Variants in ARL5B observed in about 807,000 individuals in gnomAD.
The protein encoded by ARL5B is ARF like GTPase 5B, also known as ADP-ribosylation factor-like protein 5B.
In ARL5B, 10 loss-of-function variants were observed where a neutral mutation model predicts 26.9. The ratio of observed to expected loss-of-function variants is 0.37; its 90% confidence interval spans 0.23 to 0.63. The LOEUF is 0.63. Ranked by LOEUF, ARL5B falls within the 30% of genes least tolerant of loss-of-function variation. The probability of loss-of-function intolerance (pLI) is 0.62; values close to 1 mark genes in which losing one functional copy is unlikely to be tolerated. For synonymous variants in ARL5B, 87 were observed against 70.4 expected, an observed-to-expected ratio of 1.24 and a Z score of -1.18; for missense variants, 167 against 213.9, an observed-to-expected ratio of 0.78 and a Z score of 1.37.
chr10:18,660,172 T>TAG (rs1216474641), intron 1 of ARL5B, among the ~76,000 whole-genome samples: 1 of 152,182 alleles, frequency 6.6e-6, no homozygotes, highest in East Asian at 1.9e-4. Context: ...GACTTGGGAA[T>TAG]GAGTTGTCCT....
chr10:18,678,861 A>G lies in ARL5B; in HGVS notation c.*3645A>G, dbSNP rs1217534814. ...TAATTTGGCCGTTTCTCAATTGTCTAGTTGACCTTAGACAATTAGTGTCCA... is the reference window on the plus strand; with the variant it reads ...TAATTTGGCCGTTTCTCAATTGTCTGGTTGACCTTAGACAATTAGTGTCCA... On this transcript the variant is annotated 3_prime_UTR_variant, in exon 6 of 6. Coordinates refer to ENST00000377275, the MANE Select transcript of ARL5B (RefSeq NM_178815.5). 2 of 151,796 alleles carry G rather than the reference A, an allele frequency of 1.3e-5. No homozygotes were observed. The allele number at this position is 151,796 out of a possible 1,614,324, so 9.4% of individuals were successfully genotyped here.
intron 1 of ARL5B, among the ~76,000 whole-genome samples, chr10:18,664,729 C>A (rs934078663): frequency 6.6e-6 from 1 of 152,128 alleles, no homozygotes; most frequent in African/African-American, 2.4e-5. Flanking sequence ...TAAGGCACCA[C>A]GCCTGGCCTA....
intron 2 of ARL5B, 130 bp downstream of exon 2, chr10:18,666,765 T>G: frequency 1.4e-6 from 1 of 705,178 alleles, no homozygotes; most frequent in South Asian, 2.9e-5. Context: ...GTTTTTTTAA[T>G]TTTACCGAAC....
intron 1 of ARL5B, among the ~76,000 whole-genome samples, chr10:18,663,229 A>G (rs2059844910): frequency 6.6e-6 from 1 of 151,978 alleles, no homozygotes; most frequent in African/African-American, 2.4e-5. Flanking sequence ...GCTGGCCTCG[A>G]ACTCCTGACC....
rs566233438 is a variant in ARL5B at position 18,676,458 on chromosome 10, G to A, written c.*1242G>A. ...ATAATCTATCAAAAGTTTATTTATTGGATGGCATTAAAACATTTTTGAGGC... is the reference window on the plus strand; with the variant it reads ...ATAATCTATCAAAAGTTTATTTATTAGATGGCATTAAAACATTTTTGAGGC... On this transcript the variant is annotated 3_prime_UTR_variant, in exon 6 of 6. Coordinates refer to ENST00000377275, the MANE Select transcript of ARL5B (RefSeq NM_178815.5). 2.6e-5 allele frequency: 4 copies of A among 151,944 alleles called. No individual in the cohort carries two copies. Among genetic ancestry groups the A allele is most frequent in the East Asian group, 3.9e-4 (2 of 5,180 alleles). 9.4% of individuals were successfully genotyped at this position (151,944 alleles called of 1,614,324 possible).
In ARL5B at chr10:18,668,328, A is replaced by C. The variant is rs569496845; in HGVS notation, c.108-202A>C. On this transcript the variant is annotated intron_variant, in intron 2 of 5. Coordinates refer to ENST00000377275, the MANE Select transcript of ARL5B (RefSeq NM_178815.5). The stretch of plus-strand genomic sequence containing the variant: ...CTTGCAATTCCTTCCGTTAAAAAAA[A>C]AAACAAACAAGAAACAAGTCTTTCT... 3.8e-3 allele frequency among the ~76,000 whole-genome samples: 584 copies of C among 152,206 alleles called. 8 individuals carry two copies. Among genetic ancestry groups the C allele is most frequent in the Non-Finnish European group, 5.4e-3 (364 of 67,992 alleles).
chr10:18,671,528 A>G (rs544761089), intron 3 of ARL5B, among the ~76,000 whole-genome samples: 28 of 151,906 alleles, frequency 1.8e-4, no homozygotes, highest in Non-Finnish European at 3.7e-4. Context: ...GTCTCAGTTT[A>G]TTTTGCATCT....
At chr10:18,659,963 G>A (rs1210211464) in intron 1 of ARL5B, 7 of 983,550 alleles carry the variant, frequency 7.1e-6, no homozygotes, top group Non-Finnish European at 7.2e-6. Context: ...TACAGCTAAT[G>A]ATGCCAGGAG....
At chr10:18,670,958 ATTC>A (rs1267081395) in intron 3 of ARL5B, among the ~76,000 whole-genome samples, 1 of 152,204 alleles carries the variant, frequency 6.6e-6, no homozygotes, top group Non-Finnish European at 1.5e-5. Flanking sequence ...CATTTTGAAA[ATTC>A]TTCACGTGGA....
Position 18,678,202 on chromosome 10 carries a change from T to C in ARL5B, c.*2986T>C, listed in dbSNP as rs1001467719. ...TCTATTAAAAGCTGAAGATTAAATATGTAATTTTTGCTTTTAGTTTCTTGT... is the reference window on the plus strand; with the variant it reads ...TCTATTAAAAGCTGAAGATTAAATACGTAATTTTTGCTTTTAGTTTCTTGT... On this transcript the variant is annotated 3_prime_UTR_variant, in exon 6 of 6. Transcript: ENST00000377275. 6.6e-6 allele frequency: 1 copy of C among 151,892 alleles called. No homozygotes were observed. Among genetic ancestry groups the C allele is most frequent in the South Asian group, 2.1e-4 (1 of 4,828 alleles). 9.4% of individuals were successfully genotyped at this position (151,892 alleles called of 1,614,324 possible).
chr10:18,663,179 T>C (rs1284171592), intron 1 of ARL5B, among the ~76,000 whole-genome samples: 1 of 152,000 alleles, frequency 6.6e-6, no homozygotes, highest in Non-Finnish European at 1.5e-5. Context: ...TGGCTAATTT[T>C]CGTATTTGTA....
intron 4 of ARL5B, among the ~76,000 whole-genome samples, chr10:18,673,100 T>C (rs2059895188): frequency 6.6e-6 from 1 of 152,106 alleles, no homozygotes; most frequent in Non-Finnish European, 1.5e-5. Flanking sequence ...TCTTGCTCTG[T>C]TGCCCAGGCT....
At chr10:18,665,821 T>C (rs2059859062) in intron 1 of ARL5B, among the ~76,000 whole-genome samples, 1 of 152,216 alleles carries the variant, frequency 6.6e-6, no homozygotes, top group Admixed American at 6.5e-5. Flanking sequence ...GTATCTGGGT[T>C]GTTTTCTGTA....
At chr10:18,669,096 A>G (rs910772494) in intron 3 of ARL5B, among the ~76,000 whole-genome samples, 10 of 152,082 alleles carry the variant, frequency 6.6e-5, no homozygotes, top group Non-Finnish European at 1.2e-4. Flanking sequence ...TTTGTAGGGA[A>G]TTTGGGTTTC....
At position 18,677,451 on chromosome 10, in the gene ARL5B, A is replaced by G. The variant is rs993238366; in HGVS notation, c.*2235A>G. On this transcript the variant is annotated 3_prime_UTR_variant, in exon 6 of 6. Coordinates refer to ENST00000377275, the MANE Select transcript of ARL5B (RefSeq NM_178815.5). Reference sequence around the variant, plus strand: ...GATTTATGTTAGCCATGTGTTGAAGATGAAATTGGCATCAGTGTAGACGGT... The same window carrying G: ...GATTTATGTTAGCCATGTGTTGAAGGTGAAATTGGCATCAGTGTAGACGGT... 6.6e-6 allele frequency: 1 copy of G among 152,296 alleles called. No individual in the cohort carries two copies. The highest frequency in any genetic ancestry group is 2.4e-5 in the African/African-American group (1 of 41,414). 9.4% of individuals were successfully genotyped at this position (152,296 alleles called of 1,614,324 possible).
rs1377407721 is a variant in ARL5B at position 18,680,153 on chromosome 10, C to T, written c.*4937C>T. The T allele has an allele frequency of 6.6e-6, 1 of 151,920 alleles. No individual in the cohort carries two copies. Among genetic ancestry groups the T allele is most frequent in the Non-Finnish European group, 1.5e-5 (1 of 67,874 alleles). 9.4% of individuals were successfully genotyped at this position (151,920 alleles called of 1,614,324 possible). A position where few individuals can be genotyped will look rare whatever the true frequency, so the allele number is the denominator to read the frequency against. ...TTGTAAAATTTTAATTAAAAAATTA[C>T]CTCATTTTTCAATCCATAAGGTGCT... On this transcript the variant is annotated 3_prime_UTR_variant, in exon 6 of 6. Coordinates refer to ENST00000377275, the MANE Select transcript of ARL5B (RefSeq NM_178815.5).
Position 18,676,291 on chromosome 10 carries a change from G to T in ARL5B, c.*1075G>T, listed in dbSNP as rs1379295067. On this transcript the variant is annotated 3_prime_UTR_variant, in exon 6 of 6. Coordinates refer to ENST00000377275, the MANE Select transcript of ARL5B (RefSeq NM_178815.5). ...ATTTATTTGACGGTATTATGTAATA[G>T]ACTTGAAACAATTGCCATCTTTGTA... 6.6e-6 allele frequency: 1 copy of T among 152,346 alleles called. No individual in the cohort carries two copies. Among genetic ancestry groups the T allele is most frequent in the Non-Finnish European group, 1.5e-5 (1 of 67,898 alleles). The allele number at this position is 152,346 out of a possible 1,614,324, so 9.4% of individuals were successfully genotyped here.
chr10:18,675,605 A>G lies in ARL5B; in HGVS notation c.*389A>G, dbSNP rs1051679899. On this transcript the variant is annotated 3_prime_UTR_variant, in exon 6 of 6. Coordinates refer to ENST00000377275, the MANE Select transcript of ARL5B (RefSeq NM_178815.5). ...TCCCAACCAGAGAATTACTGGTTTG[A>G]TAGAGTAGTCTTGGAAACCATCAGG... 5.1e-6 allele frequency: 1 copy of G among 195,058 alleles called. No individual in the cohort carries two copies. Among genetic ancestry groups the G allele is most frequent in the Non-Finnish European group, 1.1e-5 (1 of 92,528 alleles). 12.1% of individuals were successfully genotyped at this position (195,058 alleles called of 1,614,324 possible).
Position 18,659,439 on chromosome 10 carries a change from C to T in ARL5B, c.-199C>T, listed in dbSNP as rs1037856105. The T allele has an allele frequency of 1.2e-5, 8 of 657,090 alleles. No homozygotes were observed. The African/African-American group carries it at 1.4e-4, about 11-fold the overall frequency. 40.7% of individuals were successfully genotyped at this position (657,090 alleles called of 1,614,324 possible). A position where few individuals can be genotyped will look rare whatever the true frequency, so the allele number is the denominator to read the frequency against. On this transcript the variant is annotated 5_prime_UTR_variant, in exon 1 of 6. Transcript: ENST00000377275. Reference sequence around the variant, plus strand: ...GGGTCGGCGTTGGGCTCAGTGGGCTCGAAACAAAGGGCTGTCCGGTGGGGA... The same window carrying T: ...GGGTCGGCGTTGGGCTCAGTGGGCTTGAAACAAAGGGCTGTCCGGTGGGGA...
Sources: allele counts gnomAD v4.1 joint callset (sites outside exome capture counted in the v4.1 genomes callset), GRCh38; gene constraint gnomAD v4.1.1; transcripts MANE v1.5; gene names NCBI Gene and HGNC (gene_info 2026-07-23, HGNC 2026-07-21).